Variants in PCDHA12 observed in about 807,000 individuals in gnomAD.
PCDHA12 encodes protocadherin alpha 12.
Under a neutral mutation model 60.0 loss-of-function variants are expected in PCDHA12, and 44 were observed. The observed-to-expected ratio is 0.73, with a 90% CI of 0.58 to 0.94. The LOEUF (loss-of-function observed/expected upper bound fraction) is 0.94. PCDHA12 is among the 40% of genes least tolerant of loss of function. PCDHA12 has a pLI of 0.00. For synonymous variants in PCDHA12, 569 were observed against 553.0 expected, an observed-to-expected ratio of 1.03 and a Z score of -0.40; for missense variants, 1,276 against 1,239.7, an observed-to-expected ratio of 1.03 and a Z score of -0.44.
chr5:140,889,767 C>T (rs539294045), intron 1 of PCDHA12, among the ~76,000 whole-genome samples: 29 of 152,202 alleles, frequency 1.9e-4, no homozygotes, highest in African/African-American at 6.7e-4. Context: ...TGAACTTTGA[C>T]TGGTCTTAAT....
intron 1 of PCDHA12, among the ~76,000 whole-genome samples, chr5:140,892,806 A>G (rs1262963314): frequency 2.6e-5 from 4 of 152,228 alleles, no homozygotes; most frequent in African/African-American, 7.2e-5. Flanking sequence ...ATAGTTAACC[A>G]TATTTATCCT....
chr5:140,929,713 G>A (rs1328262633), intron 1 of PCDHA12: 3 of 235,294 alleles, frequency 1.3e-5, no homozygotes, highest in Non-Finnish European at 2.6e-5. Flanking sequence ...TAATATGGAA[G>A]GTGAAACATT....
At chr5:140,966,937 C>A in intron 1 of PCDHA12, 1 of 1,604,032 alleles carries the variant, frequency 6.2e-7, no homozygotes. Context: ...CCGGCGCGCT[C>A]GTGGGCAACG....
intron 1 of PCDHA12, among the ~76,000 whole-genome samples, chr5:140,902,930 A>G (rs1252677303): frequency 1.3e-5 from 2 of 152,190 alleles, no homozygotes; most frequent in Non-Finnish European, 2.9e-5. Context: ...CATGGTGTAT[A>G]TATACCACAT....
At chr5:140,966,860 TTGC>T (rs148181752) in intron 1 of PCDHA12, 30 of 1,577,282 alleles carry the variant, frequency 1.9e-5, no homozygotes, top group Middle Eastern at 1.7e-4. Context: ...CCTGCTGCTG[TTGC>T]TGCTGCTGCT....
Position 140,877,092 on chromosome 5 carries a change from C to T in PCDHA12, c.1620C>T (p.Ala540=), listed in dbSNP as rs200462899. Residue 540 remains alanine (A), a synonymous_variant, in exon 1 of 4, where the codon GCC becomes GCT. Coordinates refer to ENST00000398631, the MANE Select transcript of PCDHA12 (RefSeq NM_018903.4). ...AGTTCCAGGTGAGCGCGCGCGACGCCGGCGTGCCGCCTCTGGGCAGCAACG... is the reference window on the plus strand; with the variant it reads ...AGTTCCAGGTGAGCGCGCGCGACGCTGGCGTGCCGCCTCTGGGCAGCAACG... ...LLQFQVSARD[A]GVPPLGSNVT... The T allele has an allele frequency of 2.9e-3, 4,637 of 1,613,220 alleles. 21 individuals carry two copies. Among genetic ancestry groups the T allele is most frequent in the African/African-American group, 0.01 (785 of 75,014 alleles).
At chr5:141,001,216 G>T (rs938133871) in intron 3 of PCDHA12, among the ~76,000 whole-genome samples, 1 of 152,082 alleles carries the variant, frequency 6.6e-6, no homozygotes, top group Non-Finnish European at 1.5e-5. Context: ...GCTGTATAAG[G>T]ATAGTTACAT....
At chr5:140,910,154 G>A (rs575042155) in intron 1 of PCDHA12, among the ~76,000 whole-genome samples, 234 of 152,310 alleles carry the variant, frequency 1.5e-3, no homozygotes, top group African/African-American at 4.9e-3. Flanking sequence ...ATTGATTGAG[G>A]GGAAATTGAT....
rs114871728 is a variant in PCDHA12, at chr5:140,922,694, C to T, written c.2367+44855C>T. The stretch of plus-strand genomic sequence containing the variant: ...GTAAAAAAGTGAACAGGCTCTGCTT[C>T]CATACAGTCAAGAACAAAAAGAAAC... On this transcript the variant is annotated intron_variant, in intron 1 of 3. Transcript: ENST00000398631. Among the ~76,000 whole-genome samples, 1,199 of 152,172 alleles carry T rather than the reference C, an allele frequency of 7.9e-3. 5 individuals carry two copies. The highest frequency in any genetic ancestry group is 0.018 in the African/African-American group (768 of 41,520).
At chr5:140,978,301 C>T (rs1554239160) in intron 1 of PCDHA12, among the ~76,000 whole-genome samples, 1 of 152,168 alleles carries the variant, frequency 6.6e-6, no homozygotes, top group Admixed American at 6.5e-5. Flanking sequence ...GGAAAGCACT[C>T]AGGAAGGAGC....
chr5:140,882,157 C>G, intron 1 of PCDHA12: 5 of 1,504,750 alleles, frequency 3.3e-6, no homozygotes, highest in Non-Finnish European at 8.9e-7. Flanking sequence ...AAGCGGAATA[C>G]CTCTTGCGAA....
At chr5:140,898,703 G>A (rs2066931625) in intron 1 of PCDHA12, among the ~76,000 whole-genome samples, 1 of 152,068 alleles carries the variant, frequency 6.6e-6, no homozygotes, top group Non-Finnish European at 1.5e-5. Context: ...GAACTTTAAA[G>A]TAGTTTTTTC....
chr5:140,894,374 A>G (rs1449305462), intron 1 of PCDHA12, among the ~76,000 whole-genome samples: 1 of 151,940 alleles, frequency 6.6e-6, no homozygotes, highest in African/African-American at 2.4e-5. Flanking sequence ...AATGGCTCCA[A>G]TTATATTTGT....
At chr5:140,928,374 C>A in intron 1 of PCDHA12, 1 of 1,614,172 alleles carries the variant, frequency 6.2e-7, no homozygotes, top group Non-Finnish European at 8.5e-7. Context: ...GGCCATCAGC[C>A]TCTAGCTTGC....
chr5:140,914,852 C>T (rs2076867528), intron 1 of PCDHA12, among the ~76,000 whole-genome samples: 1 of 151,838 alleles, frequency 6.6e-6, no homozygotes, highest in Non-Finnish European at 1.5e-5. Flanking sequence ...AAAAGGAAGA[C>T]TAATAAAAGT....
At chr5:140,985,103 A>C (rs1342526252) in intron 3 of PCDHA12, among the ~76,000 whole-genome samples, 1 of 151,694 alleles carries the variant, frequency 6.6e-6, no homozygotes, top group Admixed American at 6.6e-5. Context: ...AAGCCTGGCT[A>C]ATTTTTTGTG....
At chr5:140,898,720 T>C (rs1343662110) in intron 1 of PCDHA12, among the ~76,000 whole-genome samples, 5 of 152,214 alleles carry the variant, frequency 3.3e-5, no homozygotes, top group African/African-American at 4.8e-5. Flanking sequence ...TTTCCAATTC[T>C]GTGAAGAAAG....
At chr5:140,944,694 T>C (rs2093685448) in intron 1 of PCDHA12, among the ~76,000 whole-genome samples, 1 of 152,190 alleles carries the variant, frequency 6.6e-6, no homozygotes, top group African/African-American at 2.4e-5. Context: ...TTAATAACAG[T>C]AATTATCAGG....
In PCDHA12 at chr5:140,964,303, C is replaced by T. The variant is rs947126454; in HGVS notation, c.2368-14646C>T. Among the ~76,000 whole-genome samples the T allele has an allele frequency of 9.2e-5, 14 of 152,208 alleles. 1 individual carries two copies. Among genetic ancestry groups the T allele is most frequent in the Non-Finnish European group, 2.9e-5 (2 of 68,038 alleles). On this transcript the variant is annotated intron_variant, in intron 1 of 3. Coordinates refer to ENST00000398631, the MANE Select transcript of PCDHA12 (RefSeq NM_018903.4). ...AATTCTAGCTGGAGCTAAATACCTA[C>T]AAGGCCTAAAACAGCATAATGGACA... is the stretch of plus-strand genomic sequence containing the variant.
Sources: allele counts gnomAD v4.1 joint callset (sites outside exome capture counted in the v4.1 genomes callset), GRCh38; gene constraint gnomAD v4.1.1; transcripts MANE v1.5; gene names NCBI Gene and HGNC (gene_info 2026-07-23, HGNC 2026-07-21).